Variants in TRAP1 observed in about 807,000 individuals in gnomAD.
TRAP1 encodes TNF receptor associated protein 1.
In TRAP1, 102 loss-of-function variants were observed where a neutral mutation model predicts 89.1. The ratio of observed to expected loss-of-function variants is 1.15; its 90% CI spans 0.98 to 1.35. TRAP1 has a LOEUF of 1.35. Among genes scored for constraint, TRAP1 ranks in the 40% most tolerant of loss-of-function variants. TRAP1 has a pLI of 0.00. For missense variants in TRAP1, 1,256 were observed against 945.3 expected, an observed-to-expected ratio of 1.33 and a Z score of -4.31; for synonymous variants, 508 against 388.0, an observed-to-expected ratio of 1.31 and a Z score of -3.64.
At chr16:3,658,312 T>C in intron 17 of TRAP1, 82 bp from the exon 18 acceptor site, 1 of 1,154,886 alleles carries the variant, frequency 8.7e-7, no homozygotes, top group Non-Finnish European at 1.3e-6. Flanking sequence ...AGTCTCACTG[T>C]TGCCGAGGCT....
intron 11 of TRAP1, among the ~76,000 whole-genome samples, chr16:3,671,145 A>AT (rs1437453223): frequency 6.6e-6 from 1 of 151,926 alleles, no homozygotes; most frequent in Non-Finnish European, 1.5e-5. Flanking sequence ...TTCCAGCTGA[A>AT]TCCTCACCCC....
Position 3,677,494 on chromosome 16 carries a change from T to C in TRAP1, c.704+4A>G. On this transcript the variant is annotated splice_donor_region_variant and intron_variant, in intron 6 of 17. Transcript: ENST00000246957. ...CTGCCTGTCAGGCGACATTCGTCAC[T>C]CACCCATCTGAAAGCCACTGGTAAC... The C allele has an allele frequency of 6.2e-7, 1 of 1,614,194 alleles. No individual in the cohort carries two copies. The highest frequency in any genetic ancestry group is 2.2e-5 in the East Asian group (1 of 44,882).
chr16:3,712,087 G>A (rs1003989163), intron 1 of TRAP1, among the ~76,000 whole-genome samples: 1 of 151,964 alleles, frequency 6.6e-6, no homozygotes, highest in Non-Finnish European at 1.5e-5. Context: ...TCAAAAGATT[G>A]AGACCATCTT....
At chr16:3,658,718 C>T in intron 17 of TRAP1, 75 bp downstream of exon 17, 1 of 1,385,480 alleles carries the variant, frequency 7.2e-7, no homozygotes, top group Non-Finnish European at 1.0e-6. Context: ...GAGGAAACCG[C>T]TGTTCCACCC....
At chr16:3,665,219 G>C (rs549207638) in intron 12 of TRAP1, 2 of 152,194 alleles carry the variant, frequency 1.3e-5, no homozygotes, top group African/African-American at 4.8e-5. Flanking sequence ...TGCCGAAGTC[G>C]GCAAACAACC....
chr16:3,709,831 G>A (rs1308913460), intron 1 of TRAP1, among the ~76,000 whole-genome samples: 1 of 152,088 alleles, frequency 6.6e-6, no homozygotes, highest in African/African-American at 2.4e-5. Flanking sequence ...TGTATTTTTC[G>A]TAGAGACAGG....
chr16:3,676,204 T>C, intron 6 of TRAP1, 59 bp from the exon 7 acceptor site: 1 of 1,481,764 alleles, frequency 6.7e-7, no homozygotes, highest in Non-Finnish European at 9.3e-7. Context: ...ATACCCTGCA[T>C]GGGACTCCAG....
Position 3,672,771 on chromosome 16 carries a change from A to G in TRAP1, c.1094T>C (p.Leu365Pro). Residue 365 changes from leucine (L) to proline (P), a missense_variant, in exon 10 of 18, where the codon CTG becomes CCG. Physicochemically the swap from Leu to Pro is moderately conservative, Grantham distance 98. Coordinates refer to ENST00000246957, the MANE Select transcript of TRAP1 (RefSeq NM_016292.3). The stretch of plus-strand genomic sequence containing the variant: ...CTGGATGAGGACTTTGCGGCTGTAC[A>G]GTGCAACGCTGGAGCCCAGCTCCCG... ...VSRELGSSVA[L>P]YSRKVLIQTK... 2.5e-6 allele frequency: 4 copies of G among 1,612,604 alleles called. No homozygotes were observed. Among genetic ancestry groups the G allele is most frequent in the Admixed American group, 1.7e-5 (1 of 59,826 alleles).
chr16:3,706,109 C>T (rs2051441424), intron 1 of TRAP1, among the ~76,000 whole-genome samples: 1 of 151,804 alleles, frequency 6.6e-6, no homozygotes. Context: ...CACCCGCCAC[C>T]ACGCCCAGTT....
intron 4 of TRAP1, among the ~76,000 whole-genome samples, chr16:3,683,439 G>A (rs569196152): frequency 6.7e-6 from 1 of 149,020 alleles, no homozygotes; most frequent in Non-Finnish European, 1.5e-5. Flanking sequence ...AAGCTAGAGT[G>A]CAATGGCGCG....
intron 12 of TRAP1, among the ~76,000 whole-genome samples, chr16:3,665,683 G>T (rs530962472): frequency 6.6e-6 from 1 of 152,214 alleles, no homozygotes; most frequent in African/African-American, 2.4e-5. Flanking sequence ...AGGGGAGACA[G>T]TGTGTGCACG....
At chr16:3,691,775 A>AT (rs2051217578) in intron 1 of TRAP1, among the ~76,000 whole-genome samples, 1 of 152,150 alleles carries the variant, frequency 6.6e-6, no homozygotes, top group Admixed American at 6.6e-5. Flanking sequence ...TCCAAAACAG[A>AT]TTTTTTAAAA....
rs542627986 is a variant in TRAP1 at position 3,688,180 on chromosome 16, T to A, written c.330+875A>T. 2.0e-4 allele frequency among the ~76,000 whole-genome samples: 31 copies of A among 152,052 alleles called. 1 individual carries two copies. In the South Asian group the frequency reaches 5.6e-3, roughly 27 times the overall value. ...CAAATGAGTTTTGCGGGGTTTTTTTTAATAGAGATGGGGTCTCTTCACGTT... is the reference window on the plus strand; with the variant it reads ...CAAATGAGTTTTGCGGGGTTTTTTTAAATAGAGATGGGGTCTCTTCACGTT... On this transcript the variant is annotated intron_variant, in intron 3 of 17. Coordinates refer to ENST00000246957, the MANE Select transcript of TRAP1 (RefSeq NM_016292.3).
At chr16:3,664,688 G>C (rs2050787232) in intron 12 of TRAP1, 1 of 527,090 alleles carries the variant, frequency 1.9e-6, no homozygotes, top group Admixed American at 3.7e-5. Context: ...GCCCCAGGTG[G>C]CCCAGGGGCT....
At chr16:3,696,127 C>T (rs2051283996) in intron 1 of TRAP1, among the ~76,000 whole-genome samples, 1 of 152,310 alleles carries the variant, frequency 6.6e-6, no homozygotes, top group East Asian at 1.9e-4. Flanking sequence ...TAAAGTCCCA[C>T]GTCCCAGGGA....
intron 1 of TRAP1, among the ~76,000 whole-genome samples, chr16:3,705,564 T>C (rs2051430983): frequency 6.6e-6 from 1 of 152,204 alleles, no homozygotes; most frequent in African/African-American, 2.4e-5. Flanking sequence ...TAGCATAAAG[T>C]CTTTGGGGTT....
intron 16 of TRAP1, chr16:3,659,118 A>G (rs1279187791): frequency 9.3e-6 from 4 of 430,320 alleles, no homozygotes. Flanking sequence ...TAAAGGGACA[A>G]AAGGAGCTTA....
chr16:3,666,160 A>C (rs2050825389), intron 11 of TRAP1, 42 bp from the exon 12 acceptor site: 5 of 1,582,616 alleles, frequency 3.2e-6, no homozygotes, highest in Non-Finnish European at 4.3e-6. Context: ...AGCAGCCTCT[A>C]TGAAATACAA....
intron 1 of TRAP1, among the ~76,000 whole-genome samples, chr16:3,715,617 A>T (rs1014087379): frequency 5.3e-5 from 8 of 152,006 alleles, no homozygotes; most frequent in Non-Finnish European, 1.2e-4. Flanking sequence ...AGGGGGAAAA[A>T]ACCCGAGTCA....
Sources: gnomAD v4.1 joint callset for allele counts (sites outside exome capture counted in the v4.1 genomes callset) on GRCh38, gnomAD v4.1.1 for gene constraint, MANE v1.5 for transcripts, NCBI Gene and HGNC (gene_info 2026-07-23, HGNC 2026-07-21) for gene names.